Variants in SH3GL1 observed in about 807,000 individuals in gnomAD.
SH3GL1 encodes the protein endophilin-A2.
In SH3GL1, 21 loss-of-function variants were observed where a neutral mutation model predicts 48.8. The observed-to-expected ratio is 0.43, with a 90% CI of 0.30 to 0.62. SH3GL1 has a LOEUF of 0.62. SH3GL1 is among the 20% of genes least tolerant of loss of function. The probability of loss-of-function intolerance (pLI) is 0.11; values close to 1 mark genes in which losing one functional copy is unlikely to be tolerated. For synonymous variants in SH3GL1, 282 were observed against 217.5 expected (o/e 1.30, Z -2.61); for missense variants, 454 against 503.0 (o/e 0.90, Z 0.93).
At chr19:4,379,870 C>T (rs1359013413) in intron 1 of SH3GL1, among the ~76,000 whole-genome samples, 1 of 152,194 alleles carries the variant, frequency 6.6e-6, no homozygotes, top group African/African-American at 2.4e-5. Context: ...CCAAGGCTTG[C>T]TTCTCTGTTG....
At chr19:4,386,926 C>T (rs1289090179) in intron 1 of SH3GL1, among the ~76,000 whole-genome samples, 1 of 152,170 alleles carries the variant, frequency 6.6e-6, no homozygotes, top group Non-Finnish European at 1.5e-5. Flanking sequence ...CTGCAATTCC[C>T]CTTCTGTATT....
chr19:4,399,675 G>C (rs1377362264), intron 1 of SH3GL1, among the ~76,000 whole-genome samples: 1 of 152,150 alleles, frequency 6.6e-6, no homozygotes, highest in Non-Finnish European at 1.5e-5. Context: ...CCGACGGAGG[G>C]GGAGAAATCC....
chr19:4,366,401 C>T (rs1046961745), intron 3 of SH3GL1, 100 bp downstream of exon 3: 3 of 946,918 alleles, frequency 3.2e-6, no homozygotes, highest in Non-Finnish European at 4.9e-6. Context: ...GCCTGAAGCC[C>T]ACAACCCATG....
At chr19:4,377,428 C>T (rs867869139) in intron 1 of SH3GL1, among the ~76,000 whole-genome samples, 1 of 152,236 alleles carries the variant, frequency 6.6e-6, no homozygotes, top group Admixed American at 6.5e-5. Context: ...ATCTGGCACA[C>T]TTACACAGGG....
chr19:4,371,646 C>T (rs529115995), intron 1 of SH3GL1, among the ~76,000 whole-genome samples: 1 of 152,210 alleles, frequency 6.6e-6, no homozygotes, highest in African/African-American at 2.4e-5. Context: ...CACATTTGCC[C>T]GCAGAGGGGT....
At chr19:4,372,527 G>GT (rs1555741440) in intron 1 of SH3GL1, among the ~76,000 whole-genome samples, 1 of 152,194 alleles carries the variant, frequency 6.6e-6, no homozygotes, top group Non-Finnish European at 1.5e-5. Flanking sequence ...AGGGAGGGAC[G>GT]TAAGGATCCC....
chr19:4,368,141 G>A (rs1367565901), intron 1 of SH3GL1, among the ~76,000 whole-genome samples: 7 of 152,206 alleles, frequency 4.6e-5, no homozygotes, highest in East Asian at 1.9e-4. Flanking sequence ...GAGGTGTTGC[G>A]TGCCGTGGGC....
rs1416011107 is a variant in SH3GL1, at chr19:4,364,896, GTGTATATATA to G, written c.331+576_331+585del. 4.3e-5 allele frequency among the ~76,000 whole-genome samples: 5 copies of G among 116,328 alleles called. No homozygotes were observed. In the East Asian group the frequency reaches 7.2e-4, roughly 17 times the overall value. 76.3% of individuals were successfully genotyped at this position (116,328 alleles called of 152,430 possible). A position where few individuals can be genotyped will look rare whatever the true frequency, so the allele number is the denominator to read the frequency against. On this transcript the variant is annotated intron_variant, in intron 4 of 9. Transcript: ENST00000269886. ...TGTGTGTGTGTGTGTGTGTGTGTGTGTGTATATATATATATATATATTTTTTTTTTTTTAG... is the reference window on the plus strand; with the variant it reads ...TGTGTGTGTGTGTGTGTGTGTGTGTGTATATATATATTTTTTTTTTTTTAG...
chr19:4,378,677 T>C (rs540621542), intron 1 of SH3GL1, among the ~76,000 whole-genome samples: 1 of 152,124 alleles, frequency 6.6e-6, no homozygotes, highest in Non-Finnish European at 1.5e-5. Flanking sequence ...ATCGCGCCAT[T>C]GTACTCCAGC....
Position 4,362,708 on chromosome 19 carries a change from G to T in SH3GL1, c.757C>A (p.Arg253=), listed in dbSNP as rs746644425. 1 of 1,614,010 alleles carries T rather than the reference G, an allele frequency of 6.2e-7. No homozygotes were observed. Among genetic ancestry groups the T allele is most frequent in the Non-Finnish European group, 8.5e-7 (1 of 1,180,016 alleles). Residue 253 remains arginine (R), a synonymous_variant, in exon 8 of 10, where the codon CGG becomes AGG. Coordinates refer to ENST00000269886, the MANE Select transcript of SH3GL1 (RefSeq NM_003025.4). ...TCCCGGGGCTTGGGCTTATACTCCC[G>T]CTTAGGGCGTGAGGAAGCTTCCCGC... ...RMREASSRPK[R]EYKPKPREPF...
At position 4,361,488 on chromosome 19, in the gene SH3GL1, C is replaced by G. The variant is rs1466768841; in HGVS notation, c.*112G>C. 1.2e-6 allele frequency: 1 copy of G among 800,518 alleles called. No individual in the cohort carries two copies. The highest frequency in any genetic ancestry group is 2.0e-6 in the Non-Finnish European group (1 of 505,086). 49.6% of individuals were successfully genotyped at this position (800,518 alleles called of 1,614,324 possible). On this transcript the variant is annotated 3_prime_UTR_variant, in exon 10 of 10. Transcript: ENST00000269886. ...ACCTCAAGGGCCGGGGCCCAGGTGG[C>G]GCCGGCAGGCTCAGACACCGCCCTG...
intron 2 of SH3GL1, 60 bp downstream of exon 2, chr19:4,366,866 C>T (rs933654311): frequency 4.2e-5 from 65 of 1,547,368 alleles, no homozygotes; most frequent in African/African-American, 5.4e-5. Flanking sequence ...CCACTATGCC[C>T]GGCAGAGGTC....
chr19:4,376,713 G>C lies in SH3GL1; in HGVS notation c.46-9719C>G, dbSNP rs1251249234. ...AGCCTCCCTGGATCTTCCCATGCTG[G>C]GTCTTAGCCACCAGGGCTCTGTCCA... On this transcript the variant is annotated intron_variant, in intron 1 of 9. Coordinates refer to ENST00000269886, the MANE Select transcript of SH3GL1 (RefSeq NM_003025.4). The surrounding 1 kb of genome is among the most constrained non-coding windows in gnomAD (Gnocchi z 4.3). 2.0e-5 allele frequency among the ~76,000 whole-genome samples: 3 copies of C among 151,936 alleles called. No homozygotes were observed. The highest frequency in any genetic ancestry group is 7.3e-5 in the African/African-American group (3 of 41,332).
rs1042599540 is a variant in SH3GL1, at chr19:4,361,055, C to T, written c.*545G>A. On this transcript the variant is annotated 3_prime_UTR_variant, in exon 10 of 10. Coordinates refer to ENST00000269886, the MANE Select transcript of SH3GL1 (RefSeq NM_003025.4). ...GCCCTGGCCTTGAGGAGAAGGAGTG[C>T]GTGTGTGAGGCGGGGGTGCATTGGC... 10 of 235,454 alleles carry T rather than the reference C, an allele frequency of 4.2e-5. No homozygotes were observed. Among genetic ancestry groups the T allele is most frequent in the African/African-American group, 1.3e-4 (6 of 45,290 alleles). The allele number at this position is 235,454 out of a possible 1,614,324, so 14.6% of individuals were successfully genotyped here. A position where few individuals can be genotyped will look rare whatever the true frequency, so the allele number is the denominator to read the frequency against.
In SH3GL1 at chr19:4,376,618, C is replaced by G. The variant is rs1440944511; in HGVS notation, c.46-9624G>C. 3.9e-5 allele frequency among the ~76,000 whole-genome samples: 6 copies of G among 152,166 alleles called. No individual in the cohort carries two copies. Among genetic ancestry groups the G allele is most frequent in the South Asian group, 2.1e-4 (1 of 4,810 alleles). ...GCCCCTTCACACTTCATCTTACACC[C>G]CCATCTGCCTGGGCGGCCCCCCCAT... On this transcript the variant is annotated intron_variant, in intron 1 of 9. Coordinates refer to ENST00000269886, the MANE Select transcript of SH3GL1 (RefSeq NM_003025.4). This position sits in a 1 kb window ranked among gnomAD's most constrained non-coding sequence, Gnocchi z 4.3.
chr19:4,395,325 A>T (rs1330439921), intron 1 of SH3GL1, among the ~76,000 whole-genome samples: 1 of 152,202 alleles, frequency 6.6e-6, no homozygotes, highest in Non-Finnish European at 1.5e-5. Context: ...GAAGAACCTA[A>T]GTGGATAGTG....
intron 1 of SH3GL1, among the ~76,000 whole-genome samples, chr19:4,380,541 A>G (rs1180486890): frequency 6.6e-6 from 1 of 152,162 alleles, no homozygotes; most frequent in Non-Finnish European, 1.5e-5. Flanking sequence ...AAGGTTTGGA[A>G]GTGCCCGTTT....
At chr19:4,382,250 TTTC>T (rs1202936500) in intron 1 of SH3GL1, among the ~76,000 whole-genome samples, 53 of 124,628 alleles carry the variant, frequency 4.3e-4, no homozygotes, top group South Asian at 3.6e-3. Flanking sequence ...GGTGCTCCGC[TTTC>T]TTTTTTTTTT....
intron 1 of SH3GL1, among the ~76,000 whole-genome samples, chr19:4,382,253 CTTTTTTTTT>C (rs34085741): frequency 2.9e-5 from 3 of 102,350 alleles, no homozygotes; most frequent in Admixed American, 1.1e-4. Context: ...GCTCCGCTTT[CTTTTTTTTT>C]TTTTTTTTTT....
Sources: allele counts gnomAD v4.1 joint callset (sites outside exome capture counted in the v4.1 genomes callset), GRCh38; gene constraint gnomAD v4.1.1; non-coding constraint Gnocchi (gnomAD v3.1); transcripts MANE v1.5; gene names NCBI Gene and HGNC (gene_info 2026-07-23, HGNC 2026-07-21).